Variants in RNMT observed in about 807,000 individuals in gnomAD.
RNMT encodes mRNA cap guanine-N(7) methyltransferase.
A neutral mutation model predicts 56.0 loss-of-function variants in RNMT; 27 were observed. That is an observed-to-expected ratio of 0.48 (90% CI 0.36 to 0.67). The LOEUF (loss-of-function observed/expected upper bound fraction) is 0.67, where lower values mean the gene tolerates loss of function less well. Ranked by LOEUF, RNMT falls within the 30% of genes least tolerant of loss-of-function variation. The pLI is 0.00. For synonymous variants in RNMT, 184 were observed against 176.2 expected (o/e 1.04, Z -0.35); for missense variants, 519 against 552.1 (o/e 0.94, Z 0.60).
rs1420375132 is a variant in RNMT, at chr18:13,762,083, G to C, written c.*2104G>C. On this transcript the variant is annotated 3_prime_UTR_variant, in exon 12 of 12. Coordinates refer to ENST00000383314, the MANE Select transcript of RNMT (RefSeq NM_003799.3). ...GAGGGAGGCATGGCTTTCCACCGTC[G>C]GGCCAGGAAGAGCACCTGTTGCTGC... The C allele has an allele frequency of 6.5e-7, 1 of 1,535,972 alleles. No individual in the cohort carries two copies. The highest frequency in any genetic ancestry group is 1.2e-5 in the South Asian group (1 of 84,044).
intron 3 of RNMT, among the ~76,000 whole-genome samples, chr18:13,733,784 TTGAC>T (rs766696757): frequency 5.9e-5 from 9 of 152,238 alleles, no homozygotes; most frequent in Admixed American, 1.3e-4. Context: ...ACACCAAACA[TTGAC>T]TGTCATTTAT....
At chr18:13,730,195 T>TAATA (rs1490729868) in intron 1 of RNMT, among the ~76,000 whole-genome samples, 2 of 152,238 alleles carry the variant, frequency 1.3e-5, no homozygotes, top group East Asian at 3.8e-4. Context: ...TTGAATGGCT[T>TAATA]AATAAATGAA....
At position 13,760,447 on chromosome 18, in the gene RNMT, G is replaced by A. The variant is rs2044605789; in HGVS notation, c.*468G>A. The A allele has an allele frequency of 2.0e-6, 2 of 985,512 alleles. No homozygotes were observed. The highest frequency in any genetic ancestry group is 2.4e-6 in the Non-Finnish European group (2 of 829,632). 61.0% of individuals were successfully genotyped at this position (985,512 alleles called of 1,614,324 possible). On this transcript the variant is annotated 3_prime_UTR_variant, in exon 12 of 12. Transcript: ENST00000383314. ...ATGGTCTGTACAGTTGAATGTAAGT[G>A]TTCAATATGTATTGCTGAAGTTATA...
chr18:13,738,537 C>G (rs2044202749), intron 5 of RNMT, among the ~76,000 whole-genome samples: 1 of 152,308 alleles, frequency 6.6e-6, no homozygotes, highest in South Asian at 2.1e-4. Flanking sequence ...AATATGGAAT[C>G]TGAAACCTTA....
At chr18:13,740,581 T>C (rs1220645226) in intron 6 of RNMT, among the ~76,000 whole-genome samples, 3 of 152,224 alleles carry the variant, frequency 2.0e-5, no homozygotes, top group Non-Finnish European at 4.4e-5. Flanking sequence ...TTTTGCCATG[T>C]TGCCAAGGCT....
intron 5 of RNMT, among the ~76,000 whole-genome samples, chr18:13,737,949 A>AT (rs1008878810): frequency 3.7e-4 from 54 of 146,834 alleles, no homozygotes; most frequent in Admixed American, 5.5e-4. Context: ...CTAGGCAATA[A>AT]TTTTTTTTTT....
intron 5 of RNMT, among the ~76,000 whole-genome samples, chr18:13,739,821 A>G (rs538571024): frequency 6.6e-6 from 1 of 152,348 alleles, no homozygotes; most frequent in South Asian, 2.1e-4. Flanking sequence ...ATAACATTTT[A>G]TTATAAAAAT....
At chr18:13,751,335 G>A (rs1044704190) in intron 9 of RNMT, among the ~76,000 whole-genome samples, 5 of 152,148 alleles carry the variant, frequency 3.3e-5, no homozygotes, top group Admixed American at 6.6e-5. Context: ...CTCAAAACAC[G>A]ACATTTATGC....
chr18:13,757,341 A>G (rs2044560432), intron 11 of RNMT, among the ~76,000 whole-genome samples: 1 of 152,186 alleles, frequency 6.6e-6, no homozygotes, highest in Admixed American at 6.5e-5. Flanking sequence ...ATTTCTCTGT[A>G]GCATGCAGTG....
intron 1 of RNMT, among the ~76,000 whole-genome samples, chr18:13,729,872 T>G (rs2044038290): frequency 6.6e-6 from 1 of 152,116 alleles, no homozygotes; most frequent in South Asian, 2.1e-4. Flanking sequence ...CAATCATGGC[T>G]CACTGCAGCC....
At position 13,762,323 on chromosome 18, in the gene RNMT, G is replaced by A; in HGVS notation, c.*2344G>A. 1 of 810,286 alleles carries A rather than the reference G, an allele frequency of 1.2e-6. No individual in the cohort carries two copies. Among genetic ancestry groups the A allele is most frequent in the Non-Finnish European group, 1.9e-6 (1 of 533,842 alleles). The allele number at this position is 810,286 out of a possible 1,614,324, so 50.2% of individuals were successfully genotyped here. ...ATACTTGAGAAAGCACTAGTGGCTT[G>A]TGTTCAGGGAGAGGAGCTGGCAGTT... On this transcript the variant is annotated 3_prime_UTR_variant, in exon 12 of 12. Coordinates refer to ENST00000383314, the MANE Select transcript of RNMT (RefSeq NM_003799.3).
At chr18:13,734,337 A>T in intron 3 of RNMT, 127 bp from the exon 4 acceptor site, 1 of 760,848 alleles carries the variant, frequency 1.3e-6, no homozygotes, top group Non-Finnish European at 2.0e-6. Flanking sequence ...TTCTGTGGTT[A>T]ATTGCCATTG....
intron 9 of RNMT, among the ~76,000 whole-genome samples, chr18:13,751,834 T>C (rs1344231613): frequency 6.6e-6 from 1 of 152,136 alleles, no homozygotes; most frequent in Non-Finnish European, 1.5e-5. Context: ...TGGATGAAGC[T>C]GAAAACCATC....
chr18:13,763,315 G>T lies in RNMT; in HGVS notation c.*3336G>T, dbSNP rs575599167. 5.7e-6 allele frequency: 2 copies of T among 351,018 alleles called. No homozygotes were observed. Among genetic ancestry groups the T allele is most frequent in the Non-Finnish European group, 1.1e-5 (2 of 174,328 alleles). 21.7% of individuals were successfully genotyped at this position (351,018 alleles called of 1,614,324 possible). ...GATGCATACAGGACTGGATCCCAGG[G>T]CACTGTCAGTTCTTCCCTCCCTCTC... On this transcript the variant is annotated 3_prime_UTR_variant, in exon 12 of 12. Coordinates refer to ENST00000383314, the MANE Select transcript of RNMT (RefSeq NM_003799.3).
intron 3 of RNMT, among the ~76,000 whole-genome samples, chr18:13,732,662 G>A (rs1353324397): frequency 1.3e-5 from 2 of 151,698 alleles, no homozygotes; most frequent in South Asian, 2.1e-4. Context: ...TCTGCCATTG[G>A]CCCTTATGAG....
At position 13,761,442 on chromosome 18, in the gene RNMT, T is replaced by C. The variant is rs2044617685; in HGVS notation, c.*1463T>C. 1.0e-6 allele frequency: 1 copy of C among 985,734 alleles called. No individual in the cohort carries two copies. The highest frequency in any genetic ancestry group is 6.1e-5 in the Admixed American group (1 of 16,330). 61.1% of individuals were successfully genotyped at this position (985,734 alleles called of 1,614,324 possible). On this transcript the variant is annotated 3_prime_UTR_variant, in exon 12 of 12. Transcript: ENST00000383314. ...TTCTAGGGCAGTGCCAGGAAGTATA[T>C]TGATAGCTTTGTAGGTACAGGAAAA...
chr18:13,734,609 A>G lies in RNMT; in HGVS notation c.553+10A>G. On this transcript the variant is annotated intron_variant, in intron 4 of 11. Coordinates refer to ENST00000383314, the MANE Select transcript of RNMT (RefSeq NM_003799.3). ...AAAAGTGTTCTCATTGGTATGATCC[A>G]ACACCAAGCTACTGAGTCTTTAATT... is the stretch of plus-strand genomic sequence containing the variant. 1 of 1,598,004 alleles carries G rather than the reference A, an allele frequency of 6.3e-7. No individual in the cohort carries two copies. The highest frequency in any genetic ancestry group is 8.5e-7 in the Non-Finnish European group (1 of 1,173,012).
intron 5 of RNMT, among the ~76,000 whole-genome samples, chr18:13,737,891 T>C (rs765486395): frequency 3.3e-5 from 5 of 151,884 alleles, no homozygotes; most frequent in Non-Finnish European, 7.4e-5. Context: ...AGAGGAATTA[T>C]AGAATTAGAA....
rs191695903 is a variant in RNMT, at chr18:13,728,906, A to T, written c.-171-1721A>T. On this transcript the variant is annotated intron_variant, in intron 1 of 11. Transcript: ENST00000383314. ...TCCCGTCAGATGAATGGTTTTGCAGATATTTTCTCCCATTCTCTAGGTTAT... is the reference window on the plus strand; with the variant it reads ...TCCCGTCAGATGAATGGTTTTGCAGTTATTTTCTCCCATTCTCTAGGTTAT... 1.1e-3 allele frequency among the ~76,000 whole-genome samples: 167 copies of T among 152,136 alleles called. 3 individuals are homozygous for T. The highest frequency in any genetic ancestry group is 1.0e-4 in the Non-Finnish European group (7 of 68,004).
Sources: allele counts gnomAD v4.1 joint callset (sites outside exome capture counted in the v4.1 genomes callset), GRCh38; gene constraint gnomAD v4.1.1; transcripts MANE v1.5; gene names NCBI Gene and HGNC (gene_info 2026-07-23, HGNC 2026-07-21).